The following CA11 variants were observed in gnomAD, a reference collection of about 807,000 sequenced individuals.
The protein encoded by CA11 is carbonic anhydrase 11 (inactive).
In CA11, 20 loss-of-function variants were observed where a neutral mutation model predicts 39.3. The observed-to-expected ratio is 0.51, with a 90% CI of 0.36 to 0.74. The LOEUF (loss-of-function observed/expected upper bound fraction) is 0.74. Ranked by LOEUF, CA11 falls within the 30% of genes least tolerant of loss-of-function variation. The pLI is 0.00. For missense variants in CA11, 336 were observed against 424.6 expected, an observed-to-expected ratio of 0.79 and a Z score of 1.83; for synonymous variants, 166 against 172.5, an observed-to-expected ratio of 0.96 and a Z score of 0.29.
chr19:48,639,688 C>G, intron 5 of CA11, 67 bp from the exon 6 acceptor site: 1 of 1,596,282 alleles, frequency 6.3e-7, no homozygotes, highest in South Asian at 1.1e-5. Context: ...TCTCCTCCCC[C>G]AGGACCCAGG....
intron 5 of CA11, 32 bp downstream of exon 5, chr19:48,639,756 G>T: frequency 6.2e-7 from 1 of 1,605,182 alleles, no homozygotes; most frequent in Non-Finnish European, 8.5e-7. Context: ...GCACCCAACT[G>T]CTCCCTCCCT....
In CA11 at chr19:48,645,465, G is replaced by T; in HGVS notation, c.80C>A (p.Pro27Gln). The T allele has an allele frequency of 6.2e-7, 1 of 1,603,382 alleles. No individual in the cohort carries two copies. The highest frequency in any genetic ancestry group is 1.7e-4 in the Middle Eastern group (1 of 6,040). Residue 27 changes from proline to glutamine, a missense_variant, in exon 2 of 9, where the codon CCA (proline) becomes CAA (glutamine). Coordinates refer to ENST00000084798, the MANE Select transcript of CA11 (RefSeq NM_001217.5). ...CCACCAGTCCTCGGGGTCAGGTGCT[G>T]GTCCGATGTGAGCTGGGAAGAGAGC... ...AALGAAAHIG[P>Q]APDPEDWWSY...
intron 3 of CA11, among the ~76,000 whole-genome samples, chr19:48,641,400 G>A (rs1041859349): frequency 6.6e-6 from 1 of 152,238 alleles, no homozygotes; most frequent in Non-Finnish European, 1.5e-5. Flanking sequence ...TATTGACTGA[G>A]CTGGTGCTAT....
rs1234061902 is a variant in CA11 at position 48,639,383 on chromosome 19, G to A, written c.717C>T (p.Gly239=). The change falls in exon 7 of 9, where the codon GGC becomes GGT. Residue 239 remains glycine (G), a synonymous_variant. Transcript: ENST00000084798. ...PESFGFITYQ[G]SLSTPPCSET... ...CGGAGCAGGGCGGGGTGCTGAGAGA[G>A]CCCTGATAGGTGATGAAGCCGAAGG... The A allele has an allele frequency of 1.9e-6, 3 of 1,613,794 alleles. No individual in the cohort carries two copies. The highest frequency in any genetic ancestry group is 2.2e-5 in the South Asian group (2 of 91,086).
chr19:48,639,664 C>G, intron 5 of CA11, 43 bp from the exon 6 acceptor site: 1 of 1,606,390 alleles, frequency 6.2e-7, no homozygotes, highest in South Asian at 1.1e-5. Flanking sequence ...CCCAGAAGTC[C>G]AAGCCCTCAA....
At position 48,644,468 on chromosome 19, in the gene CA11, G is replaced by T. The variant is rs899905985; in HGVS notation, c.244C>A (p.Pro82Thr). ...CTGAGCCTTAATGGGGGCAGAAAGG[G>T]GTCATAAAGAACCCTCTTCAGCTCC... is the stretch of plus-strand genomic sequence containing the variant. ...DVELKRVLYD[P>T]FLPPLRLSTG... The change falls in exon 3 of 9, where the codon CCC becomes ACC. Residue 82 changes from proline to threonine, a missense_variant. Transcript: ENST00000084798. 3 of 1,610,996 alleles carry T rather than the reference G, an allele frequency of 1.9e-6. No individual in the cohort carries two copies. The highest frequency in any genetic ancestry group is 2.5e-6 in the Non-Finnish European group (3 of 1,178,050).
chr19:48,645,283 G>A, intron 2 of CA11, 120 bp downstream of exon 2: 1 of 833,364 alleles, frequency 1.2e-6, no homozygotes, highest in Non-Finnish European at 1.9e-6. Context: ...CTGAGGGACA[G>A]AGGAGGGGGC....
At chr19:48,639,499 C>T (rs375501601) in intron 6 of CA11, 40 bp from the exon 7 acceptor site, 2 of 1,613,990 alleles carry the variant, frequency 1.2e-6, no homozygotes, top group Non-Finnish European at 1.7e-6. Context: ...GGATGGCACT[C>T]TTGAACCCCC....
chr19:48,638,669 G>A (rs2030939488), intron 8 of CA11, among the ~76,000 whole-genome samples: 1 of 152,160 alleles, frequency 6.6e-6, no homozygotes, highest in African/African-American at 2.4e-5. Context: ...ACAAAGCAGT[G>A]AAGAGGAAAG....
chr19:48,638,525 C>T (rs12985948), intron 8 of CA11: 7 of 342,910 alleles, frequency 2.0e-5, no homozygotes, highest in African/African-American at 1.5e-4. Flanking sequence ...TGTGGAACAG[C>T]GTAAGGTAGT....
Position 48,639,694 on chromosome 19 carries a change from C to T in CA11, c.568-73G>A. On this transcript the variant is annotated intron_variant, in intron 5 of 8. Coordinates refer to ENST00000084798, the MANE Select transcript of CA11 (RefSeq NM_001217.5). ...CCTCAACCTTCTCCTCCCCCAGGAC[C>T]CAGGAGTCTGGGCCTCCCAGCACCC... 4 of 1,594,238 alleles carry T rather than the reference C, an allele frequency of 2.5e-6. No homozygotes were observed. The South Asian group carries it at 4.4e-5, about 18-fold the overall frequency.
intron 3 of CA11, among the ~76,000 whole-genome samples, chr19:48,644,193 G>A (rs2031173934): frequency 6.6e-6 from 1 of 152,118 alleles, no homozygotes; most frequent in Non-Finnish European, 1.5e-5. Context: ...AAATCTGCCT[G>A]GCACAGGAAA....
chr19:48,638,675 G>A (rs1383087280), intron 8 of CA11, among the ~76,000 whole-genome samples: 1 of 152,148 alleles, frequency 6.6e-6, no homozygotes, highest in Non-Finnish European at 1.5e-5. Context: ...CAGTGAAGAG[G>A]AAAGACAAAT....
chr19:48,641,539 C>T (rs539835451), intron 3 of CA11, among the ~76,000 whole-genome samples: 1 of 152,290 alleles, frequency 6.6e-6, no homozygotes, highest in East Asian at 1.9e-4. Context: ...TTAACTACAT[C>T]CTGAGCTCAT....
rs2031232714 is a variant in CA11, at chr19:48,645,809, C to G, written c.-177G>C. On this transcript the variant is annotated 5_prime_UTR_variant, in exon 1 of 9. Transcript: ENST00000084798. ...CAGGGACTGAGATCCGCCCTTCAAA[C>G]CCACTCTTCTTCTCTCTCCCGTCTC... The G allele has an allele frequency of 1.8e-6, 1 of 553,054 alleles. No individual in the cohort carries two copies. Among genetic ancestry groups the G allele is most frequent in the Non-Finnish European group, 3.2e-6 (1 of 316,048 alleles). The allele number at this position is 553,054 out of a possible 1,614,324, so 34.3% of individuals were successfully genotyped here.
Position 48,646,114 on chromosome 19 carries a change from G to T in CA11, c.-482C>A. ...CCTCCTCCCGCCCTCCCTCAGTGTC[G>T]GCCTCCAGCTTCGTGCTCTCCCCAC... is the stretch of plus-strand genomic sequence containing the variant. On this transcript the variant is annotated 5_prime_UTR_variant, in exon 1 of 9. Coordinates refer to ENST00000084798, the MANE Select transcript of CA11 (RefSeq NM_001217.5). The T allele has an allele frequency of 3.7e-6, 1 of 271,418 alleles. No homozygotes were observed. Among genetic ancestry groups the T allele is most frequent in the Non-Finnish European group, 6.8e-6 (1 of 146,140 alleles). The allele number at this position is 271,418 out of a possible 1,614,324, so 16.8% of individuals were successfully genotyped here.
At chr19:48,640,018 A>G (rs2031017866) in intron 4 of CA11, 77 bp downstream of exon 4, 1 of 1,528,556 alleles carries the variant, frequency 6.5e-7, no homozygotes. Context: ...ATGGGGTGAG[A>G]CACTAAGAGG....
At position 48,639,073 on chromosome 19, in the gene CA11, G is replaced by T. The variant is rs1052279433; in HGVS notation, c.796-20C>A. ...GTGCATCTGCAGTGGAAGGAGGGTGGGAAACTGGGAGTGAATAGTGAATGG... is the reference window on the plus strand; with the variant it reads ...GTGCATCTGCAGTGGAAGGAGGGTGTGAAACTGGGAGTGAATAGTGAATGG... On this transcript the variant is annotated intron_variant, in intron 7 of 8. Coordinates refer to ENST00000084798, the MANE Select transcript of CA11 (RefSeq NM_001217.5). The T allele has an allele frequency of 6.2e-7, 1 of 1,613,420 alleles. No individual in the cohort carries two copies.
Position 48,643,715 on chromosome 19 carries a change from C to T in CA11, c.285+712G>A, listed in dbSNP as rs2147722188. On this transcript the variant is annotated intron_variant, in intron 3 of 8. Transcript: ENST00000084798. This position sits in a 1 kb window ranked among gnomAD's most constrained non-coding sequence, Gnocchi z 4.3. ...CATGCTACGCTGCTTGGTTTGAATG[C>T]CAGTGCTGGCTCTCTGTGTGATCCT... Among the ~76,000 whole-genome samples the T allele has an allele frequency of 6.6e-6, 1 of 152,052 alleles. No individual in the cohort carries two copies. The highest frequency in any genetic ancestry group is 3.4e-3 in the Middle Eastern group (1 of 290).
Sources: allele counts gnomAD v4.1 joint callset (sites outside exome capture counted in the v4.1 genomes callset), GRCh38; gene constraint gnomAD v4.1.1; non-coding constraint Gnocchi (gnomAD v3.1); transcripts MANE v1.5; gene names NCBI Gene and HGNC (gene_info 2026-07-23, HGNC 2026-07-21).